The following RFTN1 variants were observed in gnomAD, a reference collection of about 807,000 sequenced individuals.
RFTN1 encodes the protein raftlin, lipid raft linker 1.
Under a neutral mutation model 46.5 loss-of-function variants are expected in RFTN1, and 26 were observed. The observed-to-expected ratio is 0.56, with a 90% CI of 0.41 to 0.78. The LOEUF is 0.78. Among genes scored for constraint, RFTN1 ranks in the 30% least tolerant of loss-of-function variants. The pLI is 0.00. For synonymous variants in RFTN1, 261 were observed against 284.2 expected, an observed-to-expected ratio of 0.92 and a Z score of 0.82; for missense variants, 693 against 718.7, an observed-to-expected ratio of 0.96 and a Z score of 0.41.
intron 1 of RFTN1, among the ~76,000 whole-genome samples, chr3:16,496,918 C>T (rs776229280): frequency 1.3e-5 from 2 of 152,180 alleles, no homozygotes; most frequent in African/African-American, 4.8e-5. Flanking sequence ...TAGGATTACA[C>T]ACTACATTAA....
rs942609541 is a variant in RFTN1 at position 16,466,113 on chromosome 3, G to C, written c.145+27612C>G. On this transcript the variant is annotated intron_variant, in intron 2 of 9. Transcript: ENST00000334133. This position sits in a 1 kb window ranked among gnomAD's most constrained non-coding sequence, Gnocchi z 5.6. ...CCCAGTGCTCAATTTTGGGGTCCAA[G>C]CGCTTGAATGCAGGATACACCATGC... 5.3e-5 allele frequency among the ~76,000 whole-genome samples: 8 copies of C among 152,156 alleles called. No homozygotes were observed. Among genetic ancestry groups the C allele is most frequent in the Admixed American group, 6.5e-5 (1 of 15,276 alleles).
intron 6 of RFTN1, among the ~76,000 whole-genome samples, chr3:16,359,541 G>A (rs867069983): frequency 6.6e-5 from 10 of 152,224 alleles, no homozygotes; most frequent in Middle Eastern, 3.4e-3. Flanking sequence ...CTTTCCTGGC[G>A]TGTGTAAAGA....
At position 16,327,603 on chromosome 3, in the gene RFTN1, C is replaced by CA. The variant is rs2069842165; in HGVS notation, c.1147-728dup. Among the ~76,000 whole-genome samples the CA allele has an allele frequency of 6.6e-6, 1 of 151,474 alleles. No individual in the cohort carries two copies. Among genetic ancestry groups the CA allele is most frequent in the Non-Finnish European group, 1.5e-5 (1 of 67,830 alleles). The stretch of plus-strand genomic sequence containing the variant: ...TGAAACCCCGTCTCTACTAAAAATA[C>CA]AAAAAAAATTAGCCAGGCCTGGTGG... On this transcript the variant is annotated intron_variant, in intron 7 of 9. Transcript: ENST00000334133. The surrounding 1 kb of genome is among the most constrained non-coding windows in gnomAD (Gnocchi z 4.2).
chr3:16,323,499 G>C (rs2125204889), intron 8 of RFTN1, 42 bp from the exon 9 acceptor site: 1 of 1,451,732 alleles, frequency 6.9e-7, no homozygotes. Flanking sequence ...TTATGCCTTA[G>C]AGGAACCCAA....
rs189618334 is a variant in RFTN1 at position 16,511,165 on chromosome 3, G to T, written c.-9+2277C>A. 3.3e-5 allele frequency among the ~76,000 whole-genome samples: 5 copies of T among 152,276 alleles called. 1 individual carries two copies. In the East Asian group the frequency reaches 9.6e-4, roughly 29 times the overall value. ...AATGAGGATGAAGGCACCTGCTGGG[G>T]TGACAGTAATATTCTCTGTCTTGAT... is the stretch of plus-strand genomic sequence containing the variant. On this transcript the variant is annotated intron_variant, in intron 1 of 9. Coordinates refer to ENST00000334133, the MANE Select transcript of RFTN1 (RefSeq NM_015150.2).
intron 4 of RFTN1, among the ~76,000 whole-genome samples, chr3:16,399,267 T>A (rs1322458704): frequency 6.6e-6 from 1 of 152,094 alleles, no homozygotes; most frequent in Non-Finnish European, 1.5e-5. Context: ...CATCTTAAAA[T>A]TTTAAATTTT....
chr3:16,482,805 G>C, intron 2 of RFTN1: 1 of 1,536,132 alleles, frequency 6.5e-7, no homozygotes, highest in South Asian at 1.2e-5. Context: ...TCCCCAGAGA[G>C]GCCAGGGAGG....
At position 16,504,085 on chromosome 3, in the gene RFTN1, G is replaced by A. The variant is rs2076760008; in HGVS notation, c.-9+9357C>T. On this transcript the variant is annotated intron_variant, in intron 1 of 9. Transcript: ENST00000334133. This position sits in a 1 kb window ranked among gnomAD's most constrained non-coding sequence, Gnocchi z 4.4. Reference sequence around the variant, plus strand: ...TTCTGAGGATTTCTCCGTTCACAGTGCCCTTAGTTTCTCTGTACATTTTTT... The same window carrying A: ...TTCTGAGGATTTCTCCGTTCACAGTACCCTTAGTTTCTCTGTACATTTTTT... Among the ~76,000 whole-genome samples, 1 of 151,848 alleles carries A rather than the reference G, an allele frequency of 6.6e-6. No homozygotes were observed. Among genetic ancestry groups the A allele is most frequent in the Non-Finnish European group, 1.5e-5 (1 of 67,994 alleles).
Position 16,377,948 on chromosome 3 carries a change from G to A in RFTN1, c.596C>T (p.Ser199Leu), listed in dbSNP as rs778845767. The A allele has an allele frequency of 1.2e-6, 2 of 1,614,218 alleles. No homozygotes were observed. The highest frequency in any genetic ancestry group is 2.2e-5 in the South Asian group (2 of 91,076). The change falls in exon 5 of 10, where the codon TCA becomes TTA. Residue 199 changes from serine (S) to leucine (L), a missense_variant. By Grantham distance (145) the Ser-to-Leu change is moderately radical (BLOSUM62 -2). Transcript: ENST00000334133. ...DAKNARGDHASLENEKPGTGD... is the reference protein window; with the variant it reads ...DAKNARGDHALLENEKPGTGD... ...AGTCCCCGGTTTCTCATTCTCCAGT[G>A]ACGCGTGATCCCCACGTGCGTTTTT...
chr3:16,375,419 T>A (rs2073728827), intron 5 of RFTN1, among the ~76,000 whole-genome samples: 1 of 151,826 alleles, frequency 6.6e-6, no homozygotes, highest in East Asian at 1.9e-4. Flanking sequence ...GTAAAATGGA[T>A]CTAGTAATAG....
chr3:16,396,104 A>T (rs1233934134), intron 4 of RFTN1, among the ~76,000 whole-genome samples: 1 of 152,206 alleles, frequency 6.6e-6, no homozygotes, highest in Non-Finnish European at 1.5e-5. Context: ...GCTAAGGAAT[A>T]AAATGCCATT....
At chr3:16,357,452 C>G (rs1315996701) in intron 7 of RFTN1, among the ~76,000 whole-genome samples, 1 of 152,164 alleles carries the variant, frequency 6.6e-6, no homozygotes. Flanking sequence ...CTCTCTGTGC[C>G]TCAGTTTCCT....
At chr3:16,423,768 G>A (rs1430101599) in intron 3 of RFTN1, among the ~76,000 whole-genome samples, 4 of 152,180 alleles carry the variant, frequency 2.6e-5, no homozygotes, top group Non-Finnish European at 2.9e-5. Context: ...GTTGCTTGAT[G>A]GAGTAATTTT....
intron 4 of RFTN1, among the ~76,000 whole-genome samples, chr3:16,393,895 A>C (rs910458374): frequency 6.6e-5 from 10 of 152,138 alleles, no homozygotes; most frequent in African/African-American, 2.2e-4. Context: ...TCCTGACCTC[A>C]TGATCTGCCT....
In RFTN1 at chr3:16,321,179, C is replaced by G. The variant is rs184984643; in HGVS notation, c.1332+2197G>C. Among the ~76,000 whole-genome samples the G allele has an allele frequency of 2.3e-3, 353 of 152,064 alleles. 3 individuals are homozygous for G. Among genetic ancestry groups the G allele is most frequent in the African/African-American group, 8.3e-3 (345 of 41,450 alleles). On this transcript the variant is annotated intron_variant, in intron 9 of 9. Coordinates refer to ENST00000334133, the MANE Select transcript of RFTN1 (RefSeq NM_015150.2). This position sits in a 1 kb window ranked among gnomAD's most constrained non-coding sequence, Gnocchi z 4.8. ...GGTGGGCGAGGTATGGGGAGGGGGA[C>G]AGTCATAGGTTTCCTCGAGCCACAG...
intron 2 of RFTN1, among the ~76,000 whole-genome samples, chr3:16,444,003 T>C (rs1323242789): frequency 6.6e-6 from 1 of 152,190 alleles, no homozygotes; most frequent in African/African-American, 2.4e-5. Flanking sequence ...ACTCAAATAT[T>C]AAAAGCAACC....
intron 2 of RFTN1, among the ~76,000 whole-genome samples, chr3:16,469,161 C>G (rs959866459): frequency 6.6e-6 from 1 of 152,180 alleles, no homozygotes; most frequent in Non-Finnish European, 1.5e-5. Context: ...GAGCTAGGCA[C>G]TAAGGTTCAA....
intron 2 of RFTN1, among the ~76,000 whole-genome samples, chr3:16,491,556 C>T (rs1379024179): frequency 2.0e-5 from 3 of 152,104 alleles, no homozygotes; most frequent in African/African-American, 7.2e-5. Context: ...CAGCACAATG[C>T]ACAAAAGCAG....
chr3:16,470,839 G>A (rs2076182303), intron 2 of RFTN1, among the ~76,000 whole-genome samples: 1 of 152,162 alleles, frequency 6.6e-6, no homozygotes, highest in African/African-American at 2.4e-5. Flanking sequence ...CATAAAAAAT[G>A]TTACCCATTT....
Sources: allele counts gnomAD v4.1 joint callset (sites outside exome capture counted in the v4.1 genomes callset), GRCh38; gene constraint gnomAD v4.1.1; non-coding constraint Gnocchi (gnomAD v3.1); transcripts MANE v1.5; gene names NCBI Gene and HGNC (gene_info 2026-07-23, HGNC 2026-07-21).